Variants in TMC7 observed in about 807,000 individuals in gnomAD.
TMC7 encodes transmembrane channel-like protein 7.
In TMC7, 54 loss-of-function variants were observed where a neutral mutation model predicts 82.9. That is an observed-to-expected ratio of 0.65 (90% CI 0.52 to 0.82). The LOEUF is 0.82. Among genes scored for constraint, TMC7 ranks in the 40% least tolerant of loss-of-function variants. TMC7 has a pLI of 0.00. For synonymous variants in TMC7, 350 were observed against 337.9 expected, an observed-to-expected ratio of 1.04 and a Z score of -0.39; for missense variants, 820 against 901.2, an observed-to-expected ratio of 0.91 and a Z score of 1.15.
At chr16:19,026,396 G>A (rs1960228515) in intron 5 of TMC7, among the ~76,000 whole-genome samples, 1 of 151,224 alleles carries the variant, frequency 6.6e-6, no homozygotes, top group Non-Finnish European at 1.5e-5. Flanking sequence ...AGAATGGCGT[G>A]AACCTGGGAG....
In TMC7 at chr16:19,046,193, G is replaced by A. The variant is rs538327346; in HGVS notation, c.1553+755G>A. 5.9e-5 allele frequency among the ~76,000 whole-genome samples: 9 copies of A among 152,246 alleles called. 1 individual carries two copies. In the South Asian group the frequency reaches 1.9e-3, roughly 31 times the overall value. On this transcript the variant is annotated intron_variant, in intron 11 of 15. Transcript: ENST00000304381. ...AGGTGCAGACCTTCCAGGCTGCAGT[G>A]GACACCTGTCTCCCGATCTGGGTTC...
intron 12 of TMC7, chr16:19,049,567 T>A: frequency 3.2e-6 from 3 of 933,616 alleles, no homozygotes; most frequent in Non-Finnish European, 2.6e-6. Flanking sequence ...AAAGGAGAGA[T>A]GGACGTGAGA....
intron 6 of TMC7, among the ~76,000 whole-genome samples, chr16:19,032,456 G>T (rs952300329): frequency 6.6e-6 from 1 of 151,962 alleles, no homozygotes; most frequent in African/African-American, 2.4e-5. Context: ...GATTGTGCCA[G>T]GGGAGATCCA....
chr16:19,022,776 C>T (rs1015574695), intron 4 of TMC7, among the ~76,000 whole-genome samples: 3 of 152,196 alleles, frequency 2.0e-5, no homozygotes, highest in Admixed American at 6.5e-5. Flanking sequence ...CGCCTGTAAT[C>T]CCAGCACTTT....
chr16:19,015,626 A>G (rs934031814), intron 2 of TMC7, among the ~76,000 whole-genome samples: 1 of 150,130 alleles, frequency 6.7e-6, no homozygotes, highest in African/African-American at 2.5e-5. Context: ...ACTGGCCAAC[A>G]TAGTGCAGTG....
At chr16:19,017,536 T>A (rs1322640101) in intron 3 of TMC7, among the ~76,000 whole-genome samples, 6 of 151,712 alleles carry the variant, frequency 4.0e-5, no homozygotes, top group Non-Finnish European at 7.4e-5. Context: ...AAAAACATTA[T>A]CCCAGCCAGG....
intron 12 of TMC7, among the ~76,000 whole-genome samples, chr16:19,051,322 T>TA (rs1961528546): frequency 6.6e-6 from 1 of 151,620 alleles, no homozygotes; most frequent in Admixed American, 6.6e-5. Flanking sequence ...TACATATGTA[T>TA]ACATGTGCCA....
chr16:19,013,651 A>G lies in TMC7; in HGVS notation c.312-2799A>G, dbSNP rs895861543. ...TCCCACTTCAGCCTCCTGAGTAGCT[A>G]GGATTACAGGCACCTGCCACCATGC... On this transcript the variant is annotated intron_variant, in intron 2 of 15. Transcript: ENST00000304381. Among the ~76,000 whole-genome samples, 7 of 151,340 alleles carry G rather than the reference A, an allele frequency of 4.6e-5. No individual in the cohort carries two copies. In the Admixed American group the frequency reaches 4.6e-4, roughly 10 times the overall value.
At chr16:19,015,049 C>T (rs569873486) in intron 2 of TMC7, among the ~76,000 whole-genome samples, 12 of 152,064 alleles carry the variant, frequency 7.9e-5, no homozygotes, top group South Asian at 6.2e-4. Context: ...CTGCAACCTC[C>T]GCCTTCCGGG....
At chr16:19,006,564 C>T (rs1238387589) in intron 1 of TMC7, among the ~76,000 whole-genome samples, 4 of 152,178 alleles carry the variant, frequency 2.6e-5, no homozygotes, top group African/African-American at 9.7e-5. Flanking sequence ...TTGGTTCGAC[C>T]CCAGCCACCC....
chr16:19,034,149 T>G (rs1960636906), intron 6 of TMC7, among the ~76,000 whole-genome samples: 1 of 152,248 alleles, frequency 6.6e-6, no homozygotes, highest in South Asian at 2.1e-4. Flanking sequence ...TATCCATCAG[T>G]TGCATGTTAA....
At chr16:19,015,647 G>A (rs887226092) in intron 2 of TMC7, among the ~76,000 whole-genome samples, 1 of 149,268 alleles carries the variant, frequency 6.7e-6, no homozygotes, top group Non-Finnish European at 1.5e-5. Flanking sequence ...GCATGATCTC[G>A]GCTCACTGCA....
At chr16:19,037,398 A>T (rs1161544852) in intron 7 of TMC7, among the ~76,000 whole-genome samples, 1 of 141,086 alleles carries the variant, frequency 7.1e-6, no homozygotes, top group Non-Finnish European at 1.5e-5. Context: ...AAAAAAAAAA[A>T]AAAAAGAAAG....
At chr16:19,025,273 A>T (rs1350197809) in intron 5 of TMC7, among the ~76,000 whole-genome samples, 1 of 152,210 alleles carries the variant, frequency 6.6e-6, no homozygotes, top group Admixed American at 6.5e-5. Context: ...AAGAAATACA[A>T]ATAAGTATTT....
intron 2 of TMC7, among the ~76,000 whole-genome samples, chr16:19,015,261 G>T (rs2142191916): frequency 6.6e-6 from 1 of 151,532 alleles, no homozygotes; most frequent in East Asian, 1.9e-4. Context: ...ACTGTGCCTG[G>T]CCTCCTTGTT....
intron 1 of TMC7, among the ~76,000 whole-genome samples, chr16:19,000,844 C>T (rs2039129406): frequency 6.6e-6 from 1 of 152,020 alleles, no homozygotes; most frequent in Admixed American, 6.6e-5. Context: ...TATGGTAAAA[C>T]CCCATCTCTA....
intron 1 of TMC7, among the ~76,000 whole-genome samples, chr16:19,002,938 G>T (rs575081773): frequency 1.3e-5 from 2 of 152,308 alleles, no homozygotes; most frequent in East Asian, 1.9e-4. Context: ...GGACATCAAG[G>T]CTCTAAGTGG....
At chr16:19,041,492 A>G (rs1463394369) in intron 9 of TMC7, among the ~76,000 whole-genome samples, 2 of 151,666 alleles carry the variant, frequency 1.3e-5, no homozygotes, top group Non-Finnish European at 2.9e-5. Flanking sequence ...CAGCCTCTCA[A>G]ATAGCTGGGA....
chr16:18,989,165 T>C (rs74014426), intron 1 of TMC7, among the ~76,000 whole-genome samples: 5,269 of 152,328 alleles, frequency 0.035, 289 homozygotes, highest in African/African-American at 0.12. Flanking sequence ...CTGTGATATT[T>C]GTTTTTCCCT....
Sources: gnomAD v4.1 joint callset for allele counts (sites outside exome capture counted in the v4.1 genomes callset) on GRCh38, gnomAD v4.1.1 for gene constraint, MANE v1.5 for transcripts, NCBI Gene and HGNC (gene_info 2026-07-23, HGNC 2026-07-21) for gene names.